Variants in GABBR2 observed in about 807,000 individuals in gnomAD.
The protein encoded by GABBR2 is G-protein coupled receptor 51.
A neutral mutation model predicts 105.6 loss-of-function variants in GABBR2; 23 were observed. That is an observed-to-expected ratio of 0.22 (90% CI 0.16 to 0.31). The LOEUF is 0.31. Among genes scored for constraint, GABBR2 ranks in the 10% least tolerant of loss-of-function variants. The pLI is 1.00. For synonymous variants in GABBR2, 478 were observed against 499.7 expected (o/e 0.96, Z 0.58); for missense variants, 734 against 1,245.5 (o/e 0.59, Z 6.18).
At chr9:98,321,891 C>T (rs1434215271) in intron 13 of GABBR2, among the ~76,000 whole-genome samples, 2 of 152,172 alleles carry the variant, frequency 1.3e-5, no homozygotes, top group African/African-American at 4.8e-5. Context: ...GCCCCCTTCC[C>T]CTGCCCAGGG....
Position 98,293,816 on chromosome 9 carries a change from C to T in GABBR2, c.2629G>A (p.Asp877Asn). The change falls in exon 18 of 19, where the codon GAT becomes AAT. Residue 877 changes from aspartate to asparagine, a missense_variant. Transcript: ENST00000259455. ...NTTEPSRTCKDPIEDINSPEH... is the reference protein window; with the variant it reads ...NTTEPSRTCKNPIEDINSPEH... ...GGAGAGTTTATATCTTCTATAGGATCTTTGCATGTTCGAGAGGGCTCTGTT... is the reference window on the plus strand; with the variant it reads ...GGAGAGTTTATATCTTCTATAGGATTTTTGCATGTTCGAGAGGGCTCTGTT... The T allele has an allele frequency of 6.2e-7, 1 of 1,603,738 alleles. No homozygotes were observed. The highest frequency in any genetic ancestry group is 8.5e-7 in the Non-Finnish European group (1 of 1,170,948).
intron 1 of GABBR2, among the ~76,000 whole-genome samples, chr9:98,706,115 A>AC (rs1564156829): frequency 3.0e-4 from 11 of 36,394 alleles, no homozygotes; most frequent in African/African-American, 6.7e-4. Context: ...AAAACAAAAA[A>AC]AAAAAAAAAA....
chr9:98,634,277 G>A (rs1056411086), intron 1 of GABBR2, among the ~76,000 whole-genome samples: 1 of 152,192 alleles, frequency 6.6e-6, no homozygotes, highest in Non-Finnish European at 1.5e-5. Flanking sequence ...CGCTGCATGG[G>A]TGTAATTTTT....
rs1375785652 is a variant in GABBR2, at chr9:98,406,163, T to A, written c.1237-22A>T. ...GACCCTAAAAACAAAACAAAACAAA[T>A]CAAACAAGAATAAAAGAGAAATGCC... On this transcript the variant is annotated intron_variant, in intron 7 of 18. Transcript: ENST00000259455. The A allele has an allele frequency of 4.7e-6, 7 of 1,483,452 alleles. No homozygotes were observed. In the African/African-American group the frequency reaches 8.6e-5, roughly 18 times the overall value. The allele number at this position is 1,483,452 out of a possible 1,614,324, so 91.9% of individuals were successfully genotyped here. A position where few individuals can be genotyped will look rare whatever the true frequency, so the allele number is the denominator to read the frequency against.
chr9:98,486,736 C>T (rs1329943764), intron 4 of GABBR2, among the ~76,000 whole-genome samples: 2 of 152,218 alleles, frequency 1.3e-5, no homozygotes, highest in Non-Finnish European at 2.9e-5. Flanking sequence ...ATGACCTGGG[C>T]CAGCGGGCAC....
intron 1 of GABBR2, among the ~76,000 whole-genome samples, chr9:98,661,930 G>C (rs1458049476): frequency 6.6e-6 from 1 of 152,118 alleles, no homozygotes; most frequent in Admixed American, 6.5e-5. Flanking sequence ...GGCAGCTCCA[G>C]AGCTCCCTGG....
intron 13 of GABBR2, among the ~76,000 whole-genome samples, chr9:98,358,827 C>G (rs565468496): frequency 6.6e-6 from 1 of 152,128 alleles, no homozygotes. Context: ...AGGAAAGAGG[C>G]GGTGAAACCA....
chr9:98,337,616 G>A (rs1831138667), intron 13 of GABBR2, among the ~76,000 whole-genome samples: 1 of 152,222 alleles, frequency 6.6e-6, no homozygotes, highest in Non-Finnish European at 1.5e-5. Context: ...TCAGCATGGT[G>A]TTGGCATAAG....
chr9:98,386,943 A>G (rs1219718615), intron 10 of GABBR2, among the ~76,000 whole-genome samples: 1 of 152,146 alleles, frequency 6.6e-6, no homozygotes, highest in Non-Finnish European at 1.5e-5. Context: ...GCCTGGCTGA[A>G]TTTCCTCACC....
intron 2 of GABBR2, among the ~76,000 whole-genome samples, chr9:98,546,136 G>A (rs1454524891): frequency 1.3e-5 from 2 of 152,000 alleles, no homozygotes; most frequent in Non-Finnish European, 2.9e-5. Context: ...TTTCTTTGTG[G>A]CCTATTATAC....
intron 12 of GABBR2, among the ~76,000 whole-genome samples, chr9:98,366,993 T>TA (rs1342949315): frequency 6.6e-6 from 1 of 152,148 alleles, no homozygotes; most frequent in Non-Finnish European, 1.5e-5. Context: ...CTCCTCAATT[T>TA]AAAAAGATTT....
chr9:98,449,677 C>T (rs116335981), intron 7 of GABBR2, among the ~76,000 whole-genome samples: 1,538 of 152,200 alleles, frequency 0.01, 24 homozygotes, highest in African/African-American at 0.035. Context: ...GGTTCCAAGC[C>T]CTGTCATTTT....
In GABBR2 at chr9:98,371,566, C is replaced by T. The variant is rs763017992; in HGVS notation, c.1668G>A (p.Arg556=). 9.4e-6 allele frequency: 15 copies of T among 1,596,872 alleles called. 1 individual carries two copies. The Admixed American group carries it at 1.7e-4, about 18-fold the overall frequency. The part of the protein sequence containing the change: ...EKTFETLCTV[R]TWILTVGYTT... Reference sequence around the variant, plus strand: ...TGTAGCCCACGGTGAGAATCCAGGTCCTGACCTAGAGGCCATGAGAAAACA... The same window carrying T: ...TGTAGCCCACGGTGAGAATCCAGGTTCTGACCTAGAGGCCATGAGAAAACA... Residue 556 remains arginine (R), a synonymous_variant, in exon 12 of 19, where the codon AGG becomes AGA. Coordinates refer to ENST00000259455, the MANE Select transcript of GABBR2 (RefSeq NM_005458.8).
intron 18 of GABBR2, among the ~76,000 whole-genome samples, chr9:98,292,561 T>C (rs1225219389): frequency 6.6e-6 from 1 of 152,352 alleles, no homozygotes; most frequent in East Asian, 1.9e-4. Flanking sequence ...TGCATGGAAC[T>C]ACAGTGTTGG....
At chr9:98,582,691 G>A (rs1829018294) in intron 1 of GABBR2, among the ~76,000 whole-genome samples, 1 of 152,152 alleles carries the variant, frequency 6.6e-6, no homozygotes, top group East Asian at 1.9e-4. Context: ...TTACAGACAA[G>A]GTCCTTTGTA....
At chr9:98,609,817 G>A (rs936761950) in intron 1 of GABBR2, among the ~76,000 whole-genome samples, 2 of 152,222 alleles carry the variant, frequency 1.3e-5, no homozygotes, top group African/African-American at 2.4e-5. Flanking sequence ...TACTCAGTTT[G>A]TGTGGACGCT....
intron 15 of GABBR2, among the ~76,000 whole-genome samples, chr9:98,305,366 C>A (rs1459940567): frequency 6.6e-6 from 1 of 152,188 alleles, no homozygotes; most frequent in Non-Finnish European, 1.5e-5. Flanking sequence ...AAAAAATGTT[C>A]ATTTCTAAAA....
intron 3 of GABBR2, among the ~76,000 whole-genome samples, chr9:98,523,446 C>T (rs765946659): frequency 7.9e-5 from 12 of 152,146 alleles, no homozygotes; most frequent in African/African-American, 1.2e-4. Flanking sequence ...ACCTCCCCCA[C>T]GGCCTCAAGC....
intron 1 of GABBR2, among the ~76,000 whole-genome samples, chr9:98,664,526 C>T (rs1168282028): frequency 6.6e-6 from 1 of 152,198 alleles, no homozygotes; most frequent in Non-Finnish European, 1.5e-5. Flanking sequence ...AAGCTGTTTG[C>T]ATTTACATAG....
Sources: gnomAD v4.1 joint callset for allele counts (sites outside exome capture counted in the v4.1 genomes callset) on GRCh38, gnomAD v4.1.1 for gene constraint, MANE v1.5 for transcripts, NCBI Gene and HGNC (gene_info 2026-07-23, HGNC 2026-07-21) for gene names.